Variants in NDST4 observed in about 807,000 individuals in gnomAD.
NDST4 encodes the protein N-heparan sulfate sulfotransferase 4.
A neutral mutation model predicts 100.8 loss-of-function variants in NDST4; 63 were observed. The observed-to-expected ratio is 0.62, with a 90% CI of 0.51 to 0.77. The LOEUF (loss-of-function observed/expected upper bound fraction) is 0.77. NDST4 is among the 30% of genes least tolerant of loss of function. NDST4 has a pLI of 0.00. For synonymous variants in NDST4, 377 were observed against 361.8 expected (o/e 1.04, Z -0.48); for missense variants, 943 against 1,018.4 (o/e 0.93, Z 1.01).
rs532045133 is a variant in NDST4, at chr4:115,008,724, G to A, written c.979-31450C>T. Among the ~76,000 whole-genome samples the A allele has an allele frequency of 1.6e-5, 2 of 127,286 alleles. 1 individual carries two copies. Among genetic ancestry groups the A allele is most frequent in the Admixed American group, 1.6e-4 (2 of 12,442 alleles). The allele number at this position is 127,286 out of a possible 152,430, so 83.5% of individuals were successfully genotyped here. ...GAAGGAAATAAAGGGTATTCAATTAGGAAAAGAGGAAGTCAAATTGTCCCT... is the reference window on the plus strand; with the variant it reads ...GAAGGAAATAAAGGGTATTCAATTAAGAAAAGAGGAAGTCAAATTGTCCCT... On this transcript the variant is annotated intron_variant, in intron 2 of 13. Coordinates refer to ENST00000264363, the MANE Select transcript of NDST4 (RefSeq NM_022569.3).
chr4:114,834,516 A>T (rs1335164490), intron 11 of NDST4, among the ~76,000 whole-genome samples: 1 of 128,620 alleles, frequency 7.8e-6, no homozygotes, highest in East Asian at 1.9e-4. Flanking sequence ...TCCATCTCAA[A>T]AAAAAAAAAA....
chr4:115,062,653 T>C (rs1177937263), intron 2 of NDST4, among the ~76,000 whole-genome samples: 1 of 151,326 alleles, frequency 6.6e-6, no homozygotes, highest in Non-Finnish European at 1.5e-5. Context: ...AAATATAAAA[T>C]AATTCTAAAT....
intron 2 of NDST4, among the ~76,000 whole-genome samples, chr4:114,978,447 A>G (rs990390778): frequency 6.6e-6 from 1 of 152,128 alleles, no homozygotes; most frequent in Non-Finnish European, 1.5e-5. Context: ...CAAGACCACA[A>G]TTAGACTGGG....
intron 6 of NDST4, among the ~76,000 whole-genome samples, chr4:114,917,612 T>TA (rs1470193466): frequency 6.6e-6 from 1 of 152,040 alleles, no homozygotes; most frequent in African/African-American, 2.4e-5. Context: ...ACCCTGTCTC[T>TA]AAAAAAATAA....
At chr4:114,934,167 A>T (rs11931244) in intron 6 of NDST4, among the ~76,000 whole-genome samples, 25,062 of 152,196 alleles carry the variant, frequency 0.16, 3,147 homozygotes, top group African/African-American at 0.35. Flanking sequence ...AATATTATTC[A>T]TCCTTAAAAA....
intron 6 of NDST4, among the ~76,000 whole-genome samples, chr4:114,900,945 G>C (rs1023047109): frequency 6.6e-6 from 1 of 151,778 alleles, no homozygotes; most frequent in African/African-American, 2.4e-5. Flanking sequence ...AACATTTTGG[G>C]GTTTTCTAGC....
In NDST4 at chr4:114,845,968, T is replaced by C; in HGVS notation, c.1970A>G (p.Asn657Ser). Residue 657 changes from asparagine to serine, a missense_variant, in exon 10 of 14, where the codon AAT becomes AGT. By Grantham distance (46) the Asn-to-Ser change is conservative. Around this residue, in one of 2 missense-constraint regions of NDST4, gnomAD observed 526 missense variants for 634.1 expected, o/e 0.83. Transcript: ENST00000264363. ...WYMDFFPTPS[N>S]TTSDFLFEKS... ...TTCAAACAGAAAGTCACTTGTAGTA[T>C]TGGATGGTGTAGGGAAAAAGTCCAT... The C allele has an allele frequency of 5.6e-6, 9 of 1,613,154 alleles. No individual in the cohort carries two copies. Among genetic ancestry groups the C allele is most frequent in the Non-Finnish European group, 7.6e-6 (9 of 1,179,236 alleles).
At chr4:115,073,725 A>G (rs1729125128) in intron 2 of NDST4, among the ~76,000 whole-genome samples, 1 of 151,966 alleles carries the variant, frequency 6.6e-6, no homozygotes, top group Non-Finnish European at 1.5e-5. Flanking sequence ...AAGAAGTTGA[A>G]GAAACCTATA....
intron 2 of NDST4, among the ~76,000 whole-genome samples, chr4:115,033,567 T>A (rs1476906689): frequency 1.3e-5 from 2 of 151,972 alleles, no homozygotes; most frequent in African/African-American, 4.8e-5. Context: ...TTGTGTGGAG[T>A]AAGAGCTCTC....
At chr4:114,833,294 T>C (rs1281325978) in intron 12 of NDST4, among the ~76,000 whole-genome samples, 2 of 152,228 alleles carry the variant, frequency 1.3e-5, no homozygotes, top group East Asian at 1.9e-4. Flanking sequence ...TTTTCACCTT[T>C]GTAAACTAAA....
intron 8 of NDST4, 146 bp downstream of exon 8, chr4:114,852,579 G>A (rs187739316): frequency 2.0e-5 from 11 of 561,540 alleles, no homozygotes; most frequent in Middle Eastern, 4.7e-4. Flanking sequence ...TGCGAATCAT[G>A]GAGATGACAA....
intron 6 of NDST4, among the ~76,000 whole-genome samples, chr4:114,917,559 C>T (rs1725200038): frequency 6.6e-6 from 1 of 152,094 alleles, no homozygotes; most frequent in African/African-American, 2.4e-5. Context: ...TGGAGGATTG[C>T]TTGAACCCAA....
intron 6 of NDST4, among the ~76,000 whole-genome samples, chr4:114,878,103 T>C (rs1160407323): frequency 1.3e-5 from 2 of 151,324 alleles, no homozygotes; most frequent in South Asian, 2.1e-4. Context: ...TCTCACCATG[T>C]GTAGGTCAGA....
At chr4:115,035,611 T>C (rs990600650) in intron 2 of NDST4, among the ~76,000 whole-genome samples, 3 of 152,098 alleles carry the variant, frequency 2.0e-5, no homozygotes, top group Admixed American at 6.6e-5. Context: ...ATACATGCTG[T>C]GTTATTTAAA....
chr4:115,038,943 G>A (rs1465524562), intron 2 of NDST4, among the ~76,000 whole-genome samples: 1 of 152,022 alleles, frequency 6.6e-6, no homozygotes, highest in Non-Finnish European at 1.5e-5. Context: ...TTGCCCCATT[G>A]TACTCCAGCC....
chr4:115,096,389 G>A (rs544574224), intron 1 of NDST4, among the ~76,000 whole-genome samples: 6 of 151,924 alleles, frequency 3.9e-5, no homozygotes, highest in African/African-American at 1.4e-4. Context: ...TCTCCTAGAT[G>A]ACTGTTTCAT....
Position 114,892,568 on chromosome 4 carries a change from A to G in NDST4, c.1537-21618T>C, listed in dbSNP as rs1724622443. Among the ~76,000 whole-genome samples the G allele has an allele frequency of 3.3e-5, 5 of 152,192 alleles. No individual in the cohort carries two copies. In the South Asian group the frequency reaches 1.0e-3, roughly 32 times the overall value. On this transcript the variant is annotated intron_variant, in intron 6 of 13. Coordinates refer to ENST00000264363, the MANE Select transcript of NDST4 (RefSeq NM_022569.3). ...CTTAAGTTTTTACCATAATACAAGCAAACTATTTCACATACATTGTGCCTC... is the reference window on the plus strand; with the variant it reads ...CTTAAGTTTTTACCATAATACAAGCGAACTATTTCACATACATTGTGCCTC...
intron 6 of NDST4, among the ~76,000 whole-genome samples, chr4:114,878,697 T>G (rs1724306831): frequency 6.6e-6 from 1 of 152,092 alleles, no homozygotes; most frequent in African/African-American, 2.4e-5. Flanking sequence ...AGGTTTGTTG[T>G]GATGCCCAAA....
intron 6 of NDST4, among the ~76,000 whole-genome samples, chr4:114,899,322 C>T (rs1050768269): frequency 2.0e-5 from 3 of 152,066 alleles, no homozygotes; most frequent in Non-Finnish European, 4.4e-5. Flanking sequence ...GGACTACAGG[C>T]CTGTGCCACC....
Sources: gnomAD v4.1 joint callset for allele counts (sites outside exome capture counted in the v4.1 genomes callset) on GRCh38, gnomAD v4.1.1 for gene constraint, gnomAD v4.1.1 regional missense constraint, MANE v1.5 for transcripts, NCBI Gene and HGNC (gene_info 2026-07-23, HGNC 2026-07-21) for gene names.